Variants in NKAIN3 observed in about 807,000 individuals in gnomAD.
The protein encoded by NKAIN3 is sodium/potassium transporting ATPase interacting 3.
NKAIN3 carries 25 observed loss-of-function variants against 30.2 expected under a neutral mutation model. That is an observed-to-expected ratio of 0.83 (90% CI 0.60 to 1.16). NKAIN3 has a LOEUF of 1.16. NKAIN3 is among the 50% of genes most tolerant of loss of function. The pLI, the probability that NKAIN3 is intolerant of heterozygous loss-of-function variation, is 0.00. For synonymous variants in NKAIN3, 91 were observed against 89.6 expected (o/e 1.02, Z -0.09); for missense variants, 225 against 254.1 (o/e 0.89, Z 0.78).
intron 3 of NKAIN3, among the ~76,000 whole-genome samples, chr8:62,694,253 C>T (rs1814082878): frequency 6.6e-6 from 1 of 152,098 alleles, no homozygotes; most frequent in Admixed American, 6.6e-5. Context: ...CCTTCCTAGC[C>T]TCTGGTAATT....
intron 3 of NKAIN3, among the ~76,000 whole-genome samples, chr8:62,642,756 G>A (rs1388179630): frequency 2.0e-5 from 3 of 152,046 alleles, no homozygotes; most frequent in South Asian, 2.1e-4. Flanking sequence ...GTCGTGTTAA[G>A]TACAAATGAA....
At chr8:62,588,011 A>G (rs1810532740) in intron 2 of NKAIN3, among the ~76,000 whole-genome samples, 1 of 152,004 alleles carries the variant, frequency 6.6e-6, no homozygotes, top group African/African-American at 2.4e-5. Context: ...ATTAAGTCCT[A>G]TCATATGGTT....
At chr8:62,460,074 G>A (rs4430089) in intron 1 of NKAIN3, among the ~76,000 whole-genome samples, 13,032 of 152,098 alleles carry the variant, frequency 0.086, 675 homozygotes, top group African/African-American at 0.14. Context: ...CCAGTGAAAC[G>A]GTGGAGTAAG....
intron 1 of NKAIN3, among the ~76,000 whole-genome samples, chr8:62,287,885 C>A (rs1813431718): frequency 1.3e-5 from 2 of 152,072 alleles, no homozygotes; most frequent in South Asian, 4.1e-4. Flanking sequence ...CATCTCATGC[C>A]CTCTGGTCGT....
At chr8:62,848,927 G>GTTT (rs372727052) in intron 4 of NKAIN3, among the ~76,000 whole-genome samples, 1,623 of 152,200 alleles carry the variant, frequency 0.011, 27 homozygotes, top group African/African-American at 0.038. Context: ...TAATCATGTG[G>GTTT]TTTTTGTCCT....
intron 1 of NKAIN3, among the ~76,000 whole-genome samples, chr8:62,542,354 G>A (rs1457533309): frequency 6.6e-6 from 1 of 152,126 alleles, no homozygotes; most frequent in Non-Finnish European, 1.5e-5. Context: ...GGAGTGAAAA[G>A]GGGTTTCTCA....
intron 1 of NKAIN3, among the ~76,000 whole-genome samples, chr8:62,414,670 G>A (rs1804374445): frequency 6.6e-6 from 1 of 152,116 alleles, no homozygotes; most frequent in African/African-American, 2.4e-5. Context: ...CAGGTAAAAA[G>A]AACAGTATCT....
chr8:62,717,501 G>GT (rs906240128), intron 3 of NKAIN3, among the ~76,000 whole-genome samples: 2,065 of 144,846 alleles, frequency 0.014, 31 homozygotes, highest in African/African-American at 0.046. Flanking sequence ...GTAATTAAGG[G>GT]TTTTTTTTTT....
chr8:62,269,134 T>A (rs1812696552), intron 1 of NKAIN3, among the ~76,000 whole-genome samples: 1 of 152,204 alleles, frequency 6.6e-6, no homozygotes, highest in South Asian at 2.1e-4. Flanking sequence ...TCTTTGTAAT[T>A]CTGGAATCTA....
chr8:62,471,693 G>A (rs77580724), intron 1 of NKAIN3, among the ~76,000 whole-genome samples: 5,657 of 152,130 alleles, frequency 0.037, 362 homozygotes, highest in African/African-American at 0.12. Flanking sequence ...GGTGACTCAC[G>A]TCTATAATCC....
At chr8:62,347,980 T>C (rs1201411200) in intron 1 of NKAIN3, among the ~76,000 whole-genome samples, 2 of 152,154 alleles carry the variant, frequency 1.3e-5, no homozygotes, top group Non-Finnish European at 2.9e-5. Flanking sequence ...AGGCCTTAAA[T>C]GAACTTGAAG....
intron 1 of NKAIN3, among the ~76,000 whole-genome samples, chr8:62,437,729 C>T (rs1250781943): frequency 6.6e-6 from 1 of 152,096 alleles, no homozygotes; most frequent in African/African-American, 2.4e-5. Context: ...AAAAAAATCA[C>T]TTTAATACCC....
chr8:62,855,376 G>T, intron 4 of NKAIN3: 1 of 755,792 alleles, frequency 1.3e-6, no homozygotes, highest in Non-Finnish European at 2.4e-6. Context: ...CTTTCAGCAT[G>T]GGCACAGTGA....
At chr8:62,705,878 G>GTTGT (rs772924274) in intron 3 of NKAIN3, among the ~76,000 whole-genome samples, 2 of 152,056 alleles carry the variant, frequency 1.3e-5, no homozygotes, top group South Asian at 4.1e-4. Context: ...TAGATATTTT[G>GTTGT]TTGTTTGTTT....
intron 1 of NKAIN3, among the ~76,000 whole-genome samples, chr8:62,280,911 C>G (rs905886571): frequency 5.3e-5 from 8 of 152,302 alleles, no homozygotes; most frequent in South Asian, 2.1e-4. Context: ...GGAGGATTCC[C>G]TCTTTTTCTA....
chr8:62,637,826 A>G (rs1452862224), intron 3 of NKAIN3, among the ~76,000 whole-genome samples: 1 of 152,156 alleles, frequency 6.6e-6, no homozygotes, highest in African/African-American at 2.4e-5. Context: ...ATAAGAACAC[A>G]CAGGAACATG....
chr8:62,929,662 G>C (rs921871690), intron 5 of NKAIN3, among the ~76,000 whole-genome samples: 1 of 151,858 alleles, frequency 6.6e-6, no homozygotes, highest in Admixed American at 6.6e-5. Flanking sequence ...ATCTACTCAG[G>C]GTTTTAAACC....
chr8:62,548,806 AAT>A (rs948629381), intron 1 of NKAIN3, among the ~76,000 whole-genome samples: 1 of 151,044 alleles, frequency 6.6e-6, no homozygotes, highest in African/African-American at 2.4e-5. Flanking sequence ...AAACATGGAA[AAT>A]ATATATATGA....
intron 1 of NKAIN3, among the ~76,000 whole-genome samples, chr8:62,346,167 G>A (rs1370877031): frequency 6.6e-6 from 1 of 152,002 alleles, no homozygotes; most frequent in Non-Finnish European, 1.5e-5. Flanking sequence ...ACCCAGTAGG[G>A]TCAATGTAAC....
Sources: allele counts gnomAD v4.1 joint callset (sites outside exome capture counted in the v4.1 genomes callset), GRCh38; gene constraint gnomAD v4.1.1; transcripts MANE v1.5; gene names NCBI Gene and HGNC (gene_info 2026-07-23, HGNC 2026-07-21).